Variants in PIAS1 observed in about 807,000 individuals in gnomAD.
The protein encoded by PIAS1 is E3 SUMO-protein ligase PIAS1.
In PIAS1, 6 loss-of-function variants were observed where a neutral mutation model predicts 71.3. That is an observed-to-expected ratio of 0.08 (90% confidence interval 0.05 to 0.17). The LOEUF is 0.17. PIAS1 is among the 10% of genes least tolerant of loss of function. PIAS1 has a pLI of 1.00. For missense variants in PIAS1, 555 were observed against 793.6 expected (o/e 0.70, Z 3.61); for synonymous variants, 303 against 292.9 (o/e 1.03, Z -0.35).
At chr15:68,059,584 G>A (rs867722068) in intron 1 of PIAS1, among the ~76,000 whole-genome samples, 4 of 151,644 alleles carry the variant, frequency 2.6e-5, no homozygotes, top group East Asian at 3.9e-4. Context: ...GGTGGTGGGC[G>A]CCTGTAATCT....
intron 1 of PIAS1, among the ~76,000 whole-genome samples, chr15:68,060,273 T>C (rs1041889935): frequency 2.6e-5 from 4 of 152,100 alleles, no homozygotes; most frequent in African/African-American, 9.7e-5. Flanking sequence ...TTTGCTGGGA[T>C]TACAGGTGTG....
chr15:68,146,528 G>A, intron 5 of PIAS1, 38 bp from the exon 6 acceptor site: 2 of 1,528,962 alleles, frequency 1.3e-6, no homozygotes, highest in African/African-American at 1.4e-5. Context: ...AATGATTGTG[G>A]AAATAATAAG....
In PIAS1 at chr15:68,116,538, G is replaced by A. The variant is rs371212001; in HGVS notation, c.470-25408G>A. 1.8e-3 allele frequency among the ~76,000 whole-genome samples: 280 copies of A among 152,078 alleles called. 8 individuals carry two copies. In the South Asian group the frequency reaches 0.055, roughly 30 times the overall value. ...TTTCAAGAAGAAACCAGCTTTTGGT[G>A]TCACTGATTTTTCTATATTTTTGTT... On this transcript the variant is annotated intron_variant, in intron 2 of 13. Coordinates refer to ENST00000249636, the MANE Select transcript of PIAS1 (RefSeq NM_016166.3).
chr15:68,067,929 GT>G (rs2092046974), intron 1 of PIAS1, among the ~76,000 whole-genome samples: 2 of 152,238 alleles, frequency 1.3e-5, no homozygotes, highest in African/African-American at 4.8e-5. Context: ...TGAAACAGTA[GT>G]TTTGTATATT....
chr15:68,130,565 AC>A (rs1262502219), intron 2 of PIAS1, among the ~76,000 whole-genome samples: 1 of 151,910 alleles, frequency 6.6e-6, no homozygotes, highest in East Asian at 1.9e-4. Context: ...ATTCTTCAGA[AC>A]TTTTTTTGAG....
intron 2 of PIAS1, among the ~76,000 whole-genome samples, chr15:68,138,213 C>G (rs2092746985): frequency 6.6e-6 from 1 of 152,252 alleles, no homozygotes; most frequent in East Asian, 1.9e-4. Flanking sequence ...ATTTAACTAG[C>G]TGTAGACTGT....
intron 2 of PIAS1, among the ~76,000 whole-genome samples, chr15:68,103,554 T>G (rs926617582): frequency 2.0e-5 from 3 of 152,168 alleles, no homozygotes; most frequent in African/African-American, 7.2e-5. Context: ...TCACTATCAA[T>G]TTTAGAACAT....
At chr15:68,081,341 C>T (rs75652106) in intron 1 of PIAS1, among the ~76,000 whole-genome samples, 3,201 of 152,088 alleles carry the variant, frequency 0.021, 113 homozygotes, top group African/African-American at 0.073. Context: ...AAAGGGAATC[C>T]AAACAAAATA....
intron 1 of PIAS1, among the ~76,000 whole-genome samples, chr15:68,058,696 A>G (rs529811796): frequency 2.6e-4 from 40 of 152,334 alleles, no homozygotes; most frequent in African/African-American, 9.1e-4. Context: ...ATACACATTA[A>G]TTTTTGTAAG....
At chr15:68,100,492 G>C (rs2092414231) in intron 2 of PIAS1, among the ~76,000 whole-genome samples, 1 of 152,118 alleles carries the variant, frequency 6.6e-6, no homozygotes, top group African/African-American at 2.4e-5. Context: ...TAAGGGGCGG[G>C]GAGGGGGGCG....
At chr15:68,156,685 G>T (rs559842231) in intron 7 of PIAS1, among the ~76,000 whole-genome samples, 1 of 149,382 alleles carries the variant, frequency 6.7e-6, no homozygotes, top group East Asian at 2.0e-4. Flanking sequence ...CTCCAGCTTG[G>T]GCAACAGAGA....
chr15:68,145,014 A>C (rs964968533), intron 4 of PIAS1, among the ~76,000 whole-genome samples: 23 of 152,188 alleles, frequency 1.5e-4, no homozygotes, highest in Non-Finnish European at 2.9e-4. Flanking sequence ...TTAGCATTCT[A>C]TAACAGTGCA....
chr15:68,117,627 G>T (rs2092576862), intron 2 of PIAS1, among the ~76,000 whole-genome samples: 1 of 152,124 alleles, frequency 6.6e-6, no homozygotes, highest in Admixed American at 6.5e-5. Context: ...GTCTTACTAT[G>T]CATGGCCTAT....
intron 8 of PIAS1, among the ~76,000 whole-genome samples, chr15:68,165,550 C>G (rs2092952513): frequency 6.6e-6 from 1 of 152,098 alleles, no homozygotes; most frequent in Non-Finnish European, 1.5e-5. Context: ...TCTGTTCAGC[C>G]TAAATGCTGA....
intron 2 of PIAS1, among the ~76,000 whole-genome samples, chr15:68,130,394 A>G (rs1423183023): frequency 2.6e-5 from 4 of 151,984 alleles, no homozygotes; most frequent in East Asian, 1.9e-4. Context: ...AGAAACCTCT[A>G]TGAAGTTTCC....
chr15:68,132,301 A>G (rs2092693563), intron 2 of PIAS1, among the ~76,000 whole-genome samples: 1 of 151,868 alleles, frequency 6.6e-6, no homozygotes, highest in South Asian at 2.1e-4. Flanking sequence ...ACACGGTGAT[A>G]CTCCGTCTCT....
In PIAS1 at chr15:68,086,682, C is replaced by T. The variant is rs759607395; in HGVS notation, c.401C>T (p.Pro134Leu). 3.9e-5 allele frequency: 63 copies of T among 1,613,122 alleles called. No individual in the cohort carries two copies. The highest frequency in any genetic ancestry group is 1.2e-4 in the Admixed American group (7 of 59,990). The change falls in exon 2 of 14, where the codon CCG becomes CTG. Residue 134 changes from proline to leucine, a missense_variant. By Grantham distance (98) the Pro-to-Leu change is moderately conservative. Around this residue, in one of 5 missense-constraint regions of PIAS1, gnomAD observed 134 missense variants for 203.4 expected, o/e 0.66. Coordinates refer to ENST00000249636, the MANE Select transcript of PIAS1 (RefSeq NM_016166.3). This position sits in a 1 kb window ranked among gnomAD's most constrained non-coding sequence, Gnocchi z 7.2. ...ACATCAGCTCTTCACCCAGTCCATC[C>T]GGATATAAAACTTCAAAAATTACCA... ...HLTSALHPVH[P>L]DIKLQKLPFY...
chr15:68,066,198 C>A (rs1410163147), intron 1 of PIAS1, among the ~76,000 whole-genome samples: 1 of 151,990 alleles, frequency 6.6e-6, no homozygotes, highest in African/African-American at 2.4e-5. Flanking sequence ...CGGCTCACCA[C>A]AACCTCCGCC....
chr15:68,153,649 G>T lies in PIAS1; in HGVS notation c.888G>T (p.Arg296Ser), dbSNP rs1290746634. The T allele has an allele frequency of 6.3e-7, 1 of 1,597,106 alleles. No individual in the cohort carries two copies. The highest frequency in any genetic ancestry group is 8.6e-7 in the Non-Finnish European group (1 of 1,165,080). The part of the protein sequence containing the change: ...KQLSSTVLLQ[R>S]LRAKGIRNPD... ...TGTCCTCAACAGTTCTTCTTCAGAG[G>T]TTACGAGCAAAGGGAATAAGGAATC... Residue 296 changes from arginine (R) to serine (S), a missense_variant, in exon 7 of 14, where the codon AGG (arginine) becomes AGT (serine). Arg to Ser is a moderately radical substitution (Grantham distance 110). This residue lies in a region of PIAS1 where 49 missense variants were observed against 129.2 expected (regional missense o/e 0.38). Coordinates refer to ENST00000249636, the MANE Select transcript of PIAS1 (RefSeq NM_016166.3).
Sources: allele counts gnomAD v4.1 joint callset (sites outside exome capture counted in the v4.1 genomes callset), GRCh38; gene constraint gnomAD v4.1.1; regional missense constraint gnomAD v4.1.1; non-coding constraint Gnocchi (gnomAD v3.1); transcripts MANE v1.5; gene names NCBI Gene and HGNC (gene_info 2026-07-23, HGNC 2026-07-21).